Variants in EIF3H observed in about 807,000 individuals in gnomAD.
The protein encoded by EIF3H is eukaryotic translation initiation factor 3 subunit H, also known as eIF-3-gamma.
A neutral mutation model predicts 44.2 loss-of-function variants in EIF3H; 26 were observed. The observed-to-expected ratio is 0.59, with a 90% CI of 0.43 to 0.82. The LOEUF (loss-of-function observed/expected upper bound fraction) is 0.82, where lower values mean the gene tolerates loss of function less well. Among genes scored for constraint, EIF3H ranks in the 40% least tolerant of loss-of-function variants. The probability of loss-of-function intolerance (pLI) is 0.00; values close to 1 mark genes in which losing one functional copy is unlikely to be tolerated. For missense variants in EIF3H, 359 were observed against 432.8 expected (o/e 0.83, Z 1.51); for synonymous variants, 166 against 151.9 (o/e 1.09, Z -0.68).
intron 6 of EIF3H, among the ~76,000 whole-genome samples, chr8:116,647,022 A>C (rs1813312441): frequency 6.6e-6 from 1 of 152,134 alleles, no homozygotes; most frequent in Non-Finnish European, 1.5e-5. Flanking sequence ...ACTCCTATTG[A>C]CCTAAAATAA....
At chr8:116,672,520 T>C (rs1013649177) in intron 2 of EIF3H, among the ~76,000 whole-genome samples, 20 of 151,940 alleles carry the variant, frequency 1.3e-4, no homozygotes. Context: ...GAAGGAGGTA[T>C]TCAGGAGAAC....
intron 2 of EIF3H, among the ~76,000 whole-genome samples, chr8:116,664,271 T>C (rs1230945784): frequency 1.3e-5 from 2 of 152,216 alleles, no homozygotes; most frequent in Non-Finnish European, 2.9e-5. Flanking sequence ...GTCCAACAAC[T>C]ATCCCTTTCA....
chr8:116,676,233 T>C (rs1813843789), intron 2 of EIF3H, among the ~76,000 whole-genome samples: 1 of 152,218 alleles, frequency 6.6e-6, no homozygotes, highest in Non-Finnish European at 1.5e-5. Flanking sequence ...CTAATACTAA[T>C]GAGAGAAAGA....
At chr8:116,753,112 A>C (rs1020489188) in intron 1 of EIF3H, among the ~76,000 whole-genome samples, 2 of 152,246 alleles carry the variant, frequency 1.3e-5, no homozygotes, top group Non-Finnish European at 2.9e-5. Flanking sequence ...ACCATTAAAA[A>C]ATGAGCAACC....
chr8:116,642,883 C>A lies in EIF3H; in HGVS notation c.*2123G>T, dbSNP rs1813242221. ...TGATTAATTCCCAAATCAAAAATTA[C>A]TGAAATCTTTCATTAAGTGTGTATT... On this transcript the variant is annotated 3_prime_UTR_variant, in exon 8 of 8. Transcript: ENST00000521861. 1 of 152,152 alleles carries A rather than the reference C, an allele frequency of 6.6e-6. No homozygotes were observed. The allele number at this position is 152,152 out of a possible 1,614,324, so 9.4% of individuals were successfully genotyped here.
intron 2 of EIF3H, among the ~76,000 whole-genome samples, chr8:116,703,452 G>A (rs1334548046): frequency 3.3e-5 from 5 of 152,168 alleles, no homozygotes; most frequent in Admixed American, 3.3e-4. Context: ...CCGGAGGCCT[G>A]ACCATCTCCC....
In EIF3H at chr8:116,762,939, G is replaced by A. The variant is rs769553989; in HGVS notation, c.-27+2576C>T. ...ACCATAGGCAACAGAGCGAGACTCCGTCTCAAAAAGAAAAGGAAAAAAAAA... is the reference window on the plus strand; with the variant it reads ...ACCATAGGCAACAGAGCGAGACTCCATCTCAAAAAGAAAAGGAAAAAAAAA... On this transcript the variant is annotated intron_variant, in intron 1 of 9. Transcript: ENST00000276682. Among the ~76,000 whole-genome samples, 4 of 152,116 alleles carry A rather than the reference G, an allele frequency of 2.6e-5. No homozygotes were observed. The South Asian group carries it at 6.2e-4, about 24-fold the overall frequency.
At chr8:116,744,837 A>T (rs765707238) in intron 1 of EIF3H, among the ~76,000 whole-genome samples, 6 of 152,260 alleles carry the variant, frequency 3.9e-5, no homozygotes, top group Non-Finnish European at 8.8e-5. Flanking sequence ...CCTATGGTAG[A>T]CTTGATGAAG....
chr8:116,664,286 T>A (rs1169758203), intron 2 of EIF3H, among the ~76,000 whole-genome samples: 1 of 152,214 alleles, frequency 6.6e-6, no homozygotes. Context: ...CTTTCAAACA[T>A]CAGCCACATT....
intron 2 of EIF3H, among the ~76,000 whole-genome samples, chr8:116,664,683 A>G (rs1185962982): frequency 2.0e-5 from 3 of 152,184 alleles, no homozygotes; most frequent in South Asian, 2.1e-4. Flanking sequence ...AAAACTCAAG[A>G]TATGTTCAGT....
chr8:116,725,972 A>G, intron 2 of EIF3H, 44 bp downstream of exon 2: 1 of 1,585,326 alleles, frequency 6.3e-7, no homozygotes, highest in Non-Finnish European at 8.6e-7. Context: ...GTCAATATCC[A>G]TTTGTATGCA....
chr8:116,720,903 C>T (rs1586475816), intron 2 of EIF3H, among the ~76,000 whole-genome samples: 1 of 152,076 alleles, frequency 6.6e-6, no homozygotes, highest in East Asian at 1.9e-4. Context: ...CTGTTAAAAT[C>T]ATTCAGTTTT....
At chr8:116,653,785 T>G (rs1376343975) in intron 5 of EIF3H, among the ~76,000 whole-genome samples, 2 of 152,318 alleles carry the variant, frequency 1.3e-5, no homozygotes, top group Non-Finnish European at 2.9e-5. Context: ...TTACTAGAAC[T>G]TCCATCTAAT....
intron 2 of EIF3H, among the ~76,000 whole-genome samples, chr8:116,719,533 C>T (rs562797806): frequency 6.6e-6 from 1 of 151,934 alleles, no homozygotes; most frequent in Non-Finnish European, 1.5e-5. Flanking sequence ...AGATAGAGGA[C>T]AGCACACAAA....
At chr8:116,671,653 G>C (rs1695176532) in intron 2 of EIF3H, among the ~76,000 whole-genome samples, 2 of 152,326 alleles carry the variant, frequency 1.3e-5, no homozygotes, top group South Asian at 4.1e-4. Context: ...TCCTGCAGCT[G>C]ACATAGTAGT....
chr8:116,675,877 T>C (rs148821749), intron 2 of EIF3H, among the ~76,000 whole-genome samples: 1 of 152,216 alleles, frequency 6.6e-6, no homozygotes, highest in East Asian at 1.9e-4. Context: ...ACTAAGAACA[T>C]AAAAAAGCAT....
chr8:116,665,500 C>A (rs1453330656), intron 2 of EIF3H, among the ~76,000 whole-genome samples: 1 of 151,922 alleles, frequency 6.6e-6, no homozygotes, highest in Non-Finnish European at 1.5e-5. Context: ...GCAAAAAAAA[C>A]CCACAAAGCT....
intron 1 of EIF3H, among the ~76,000 whole-genome samples, chr8:116,743,769 C>CATAT (rs150883678): frequency 9.3e-5 from 9 of 97,000 alleles, no homozygotes; most frequent in South Asian, 7.9e-4. Flanking sequence ...AAAATACATA[C>CATAT]ATATATATAT....
At chr8:116,716,752 G>GCATCAC (rs1415520969) in intron 2 of EIF3H, among the ~76,000 whole-genome samples, 1 of 151,978 alleles carries the variant, frequency 6.6e-6, no homozygotes, top group African/African-American at 2.4e-5. Context: ...ATGTGAATGG[G>GCATCAC]CATCACCGTG....
Sources: gnomAD v4.1 joint callset for allele counts (sites outside exome capture counted in the v4.1 genomes callset) on GRCh38, gnomAD v4.1.1 for gene constraint, MANE v1.5 for transcripts, NCBI Gene and HGNC (gene_info 2026-07-23, HGNC 2026-07-21) for gene names.